Variants in FYB2 observed in about 807,000 individuals in gnomAD.
The protein encoded by FYB2 is FYN-binding protein 2.
A neutral mutation model predicts 94.1 loss-of-function variants in FYB2; 103 were observed. That is an observed-to-expected ratio of 1.09 (90% CI 0.93 to 1.29). The LOEUF is 1.29. FYB2 is among the 50% of genes most tolerant of loss of function. The pLI is 0.00. For synonymous variants in FYB2, 293 were observed against 287.9 expected (o/e 1.02, Z -0.18); for missense variants, 896 against 841.5 (o/e 1.06, Z -0.80).
At chr1:56,799,970 G>A (rs1257059531) in intron 1 of FYB2, among the ~76,000 whole-genome samples, 2 of 152,172 alleles carry the variant, frequency 1.3e-5, no homozygotes, top group Non-Finnish European at 2.9e-5. Context: ...CTATTTCTAT[G>A]CACATTTCCT....
At chr1:56,782,782 C>T (rs918615328) in intron 4 of FYB2, among the ~76,000 whole-genome samples, 6 of 152,144 alleles carry the variant, frequency 3.9e-5, no homozygotes, top group African/African-American at 1.4e-4. Flanking sequence ...CTAAGAAACA[C>T]TGCTGTCATC....
Position 56,789,144 on chromosome 1 carries a change from A to G in FYB2, c.758-10T>C. 6.5e-7 allele frequency: 1 copy of G among 1,547,248 alleles called. No individual in the cohort carries two copies. On this transcript the variant is annotated splice_polypyrimidine_tract_variant and intron_variant, in intron 2 of 19. Transcript: ENST00000343433. ...ACATCTGGCTGTTTTTCTGAACACA[A>G]GACAGTAAAAAATGTAAGTTATGAT... is the stretch of plus-strand genomic sequence containing the variant.
At chr1:56,797,380 T>C (rs1646424164) in intron 1 of FYB2, among the ~76,000 whole-genome samples, 2 of 152,166 alleles carry the variant, frequency 1.3e-5, no homozygotes, top group African/African-American at 2.4e-5. Context: ...TCCTCTTTCA[T>C]GACCATTCTA....
chr1:56,809,970 G>A (rs968284355), intron 1 of FYB2, among the ~76,000 whole-genome samples: 6 of 151,976 alleles, frequency 3.9e-5, no homozygotes, highest in Non-Finnish European at 8.8e-5. Flanking sequence ...GCAAACCCAC[G>A]ATAATGATAT....
At chr1:56,808,062 A>AATC in intron 1 of FYB2, among the ~76,000 whole-genome samples, 1 of 152,300 alleles carries the variant, frequency 6.6e-6, no homozygotes, top group African/African-American at 2.4e-5. Flanking sequence ...TTTGGATTTA[A>AATC]CAATGAGGTC....
chr1:56,781,332 A>G (rs1375541135), intron 4 of FYB2, among the ~76,000 whole-genome samples: 4 of 152,056 alleles, frequency 2.6e-5, no homozygotes, highest in Non-Finnish European at 5.9e-5. Context: ...ATTGTCCTAG[A>G]TTCCTCTCTT....
chr1:56,787,275 T>C, intron 3 of FYB2, 67 bp from the exon 4 acceptor site: 1 of 1,569,436 alleles, frequency 6.4e-7, no homozygotes, highest in Non-Finnish European at 8.8e-7. Flanking sequence ...GAATGATGCT[T>C]GTGTGATGAC....
intron 1 of FYB2, among the ~76,000 whole-genome samples, chr1:56,794,428 T>C (rs1297492086): frequency 6.6e-6 from 1 of 152,190 alleles, no homozygotes; most frequent in African/African-American, 2.4e-5. Context: ...CCTCTCCTGA[T>C]CATCTTAAAG....
intron 5 of FYB2, among the ~76,000 whole-genome samples, chr1:56,763,188 A>G (rs1487490974): frequency 1.3e-5 from 2 of 152,160 alleles, no homozygotes; most frequent in East Asian, 1.9e-4. Flanking sequence ...GAGTTTTATG[A>G]CTATGCTAAT....
At chr1:56,720,481 T>C (rs41302804) in intron 17 of FYB2, 152 bp from the exon 18 acceptor site, 1 of 589,764 alleles carries the variant, frequency 1.7e-6, no homozygotes, top group Non-Finnish European at 2.6e-6. Context: ...AATAGGAAAG[T>C]ATGCAGTTAA....
chr1:56,755,987 T>C lies in FYB2; in HGVS notation c.1099-60A>G. 4 of 1,523,982 alleles carry C rather than the reference T, an allele frequency of 2.6e-6. No individual in the cohort carries two copies. In the Admixed American group the frequency reaches 6.7e-5, roughly 26 times the overall value. 94.4% of individuals were successfully genotyped at this position (1,523,982 alleles called of 1,614,324 possible). On this transcript the variant is annotated intron_variant, in intron 6 of 19. Coordinates refer to ENST00000343433, the MANE Select transcript of FYB2 (RefSeq NM_001004303.5). The stretch of plus-strand genomic sequence containing the variant: ...ATCAACCTGAATCAGGCTCTGTTGT[T>C]TGGTTACAGATCATTAGAGACTACA...
chr1:56,755,811 T>C (rs978556166), intron 7 of FYB2, 85 bp downstream of exon 7: 8 of 1,332,724 alleles, frequency 6.0e-6, no homozygotes, highest in Middle Eastern at 2.0e-4. Flanking sequence ...TTTGGAAACA[T>C]AGCTGGCCCA....
intron 7 of FYB2, among the ~76,000 whole-genome samples, chr1:56,754,856 G>A (rs1645286360): frequency 1.3e-5 from 2 of 152,004 alleles, no homozygotes; most frequent in Admixed American, 6.6e-5. Context: ...ACTAAATAAT[G>A]AATCATTTGA....
chr1:56,731,183 C>A (rs1353009639), intron 15 of FYB2, among the ~76,000 whole-genome samples: 1 of 152,082 alleles, frequency 6.6e-6, no homozygotes, highest in African/African-American at 2.4e-5. Flanking sequence ...GACCCCTGGG[C>A]TCACTTGGTG....
At position 56,731,028 on chromosome 1, in the gene FYB2, A is replaced by T. The variant is rs147025142; in HGVS notation, c.1794-4445T>A. ...GTCAAGGCTGCAGTGAATCATGATC[A>T]TGCCACCACTGCACTCCAGCCTGAG... On this transcript the variant is annotated intron_variant, in intron 15 of 19. Coordinates refer to ENST00000343433, the MANE Select transcript of FYB2 (RefSeq NM_001004303.5). Among the ~76,000 whole-genome samples, 1,244 of 152,220 alleles carry T rather than the reference A, an allele frequency of 8.2e-3. 13 individuals are homozygous for T. The highest frequency in any genetic ancestry group is 0.013 in the Non-Finnish European group (876 of 67,996).
At chr1:56,745,261 G>A (rs968235494) in intron 9 of FYB2, among the ~76,000 whole-genome samples, 1 of 152,062 alleles carries the variant, frequency 6.6e-6, no homozygotes, top group Non-Finnish European at 1.5e-5. Flanking sequence ...AAACACTGAC[G>A]ACTCTCAAAT....
rs1002416890 is a variant in FYB2 at position 56,748,946 on chromosome 1, T to C, written c.1387+2098A>G. On this transcript the variant is annotated intron_variant, in intron 9 of 19. Transcript: ENST00000343433. ...GACAACATCTTATTTTTCTTTCATT[T>C]GTGAAAGGCATTTTTATGAGACATA... 2.0e-5 allele frequency among the ~76,000 whole-genome samples: 3 copies of C among 152,102 alleles called. No homozygotes were observed. The East Asian group carries it at 5.8e-4, about 30-fold the overall frequency.
At chr1:56,720,509 AAAT>A in intron 17 of FYB2, 180 bp from the exon 18 acceptor site, 1 of 446,838 alleles carries the variant, frequency 2.2e-6, no homozygotes, top group East Asian at 3.7e-5. Flanking sequence ...TCGTTTAAGA[AAAT>A]AATAGTAAAA....
chr1:56,779,857 G>A (rs1200842744), intron 4 of FYB2, among the ~76,000 whole-genome samples: 3 of 152,098 alleles, frequency 2.0e-5, no homozygotes, highest in Non-Finnish European at 2.9e-5. Context: ...TCAGAATAAC[G>A]TAGCTGAAAA....
Sources: allele counts gnomAD v4.1 joint callset (sites outside exome capture counted in the v4.1 genomes callset), GRCh38; gene constraint gnomAD v4.1.1; transcripts MANE v1.5; gene names NCBI Gene and HGNC (gene_info 2026-07-23, HGNC 2026-07-21).